SIPA1L2: variants seen among roughly 807,000 people sequenced by gnomAD.
SIPA1L2 encodes the protein signal-induced proliferation-associated 1-like protein 2.
In SIPA1L2, 56 loss-of-function variants were observed where a neutral mutation model predicts 163.9. That is an observed-to-expected ratio of 0.34 (90% CI 0.28 to 0.43). The LOEUF (loss-of-function observed/expected upper bound fraction) is 0.43. Among genes scored for constraint, SIPA1L2 ranks in the 20% least tolerant of loss-of-function variants. SIPA1L2 has a pLI of 1.00. For missense variants in SIPA1L2, 1,974 were observed against 2,193.5 expected, an observed-to-expected ratio of 0.90 and a Z score of 2.00; for synonymous variants, 877 against 865.7, an observed-to-expected ratio of 1.01 and a Z score of -0.23.
At chr1:232,437,696 CT>C (rs1474305297) in intron 15 of SIPA1L2, among the ~76,000 whole-genome samples, 1 of 152,134 alleles carries the variant, frequency 6.6e-6, no homozygotes, top group Admixed American at 6.5e-5. Context: ...ATGCTACCCC[CT>C]AACCACGTGA....
intron 1 of SIPA1L2, among the ~76,000 whole-genome samples, chr1:232,583,724 G>A (rs553277307): frequency 1.3e-5 from 2 of 152,250 alleles, no homozygotes; most frequent in East Asian, 3.9e-4. Flanking sequence ...ATAAACTAAG[G>A]AAGTCTAAAT....
At chr1:232,613,766 T>C (rs1200648962) in intron 1 of SIPA1L2, among the ~76,000 whole-genome samples, 1 of 152,196 alleles carries the variant, frequency 6.6e-6, no homozygotes, top group East Asian at 1.9e-4. Context: ...TTCATCTCAA[T>C]TTAGGGAGCA....
chr1:232,470,633 T>C (rs1463896279), intron 8 of SIPA1L2, among the ~76,000 whole-genome samples: 2 of 152,200 alleles, frequency 1.3e-5, no homozygotes, highest in Non-Finnish European at 2.9e-5. Flanking sequence ...GGAACTCCAA[T>C]AGGTGTTTTA....
intron 1 of SIPA1L2, among the ~76,000 whole-genome samples, chr1:232,575,311 T>C (rs892599314): frequency 6.6e-6 from 1 of 152,172 alleles, no homozygotes; most frequent in African/African-American, 2.4e-5. Context: ...TTTACAAGTG[T>C]TAACCCAGCA....
chr1:232,526,156 T>C (rs1667696619), intron 2 of SIPA1L2, among the ~76,000 whole-genome samples: 1 of 152,192 alleles, frequency 6.6e-6, no homozygotes, highest in African/African-American at 2.4e-5. Context: ...CTAGTCCCTG[T>C]AGTGCCAATA....
chr1:232,616,482 T>C (rs1270486515), intron 1 of SIPA1L2, among the ~76,000 whole-genome samples: 1 of 152,214 alleles, frequency 6.6e-6, no homozygotes, highest in Non-Finnish European at 1.5e-5. Flanking sequence ...GATGCACACC[T>C]GGGTGCCCCT....
In SIPA1L2 at chr1:232,445,542, G is replaced by T. The variant is rs1221223039; in HGVS notation, c.3340C>A (p.Pro1114Thr). ...PRSTSFDRKL[P>T]DGTRSSPSNQ... ...AACCAGCATTACCTCGTGCCATCGG[G>T]CAGCTTCCGGTCGAAGGAGGTGCTT... Residue 1114 changes from proline to threonine, a missense_variant, in exon 11 of 23, where the codon CCC becomes ACC. Around this residue, in one of 3 missense-constraint regions of SIPA1L2, gnomAD observed 1,079 missense variants for 1,150.7 expected, o/e 0.94. Transcript: ENST00000674635. 1.9e-6 allele frequency: 3 copies of T among 1,613,714 alleles called. No homozygotes were observed. The African/African-American group carries it at 4.0e-5, about 22-fold the overall frequency.
At position 232,493,623 on chromosome 1, in the gene SIPA1L2, A is replaced by T. The variant is rs1666039357; in HGVS notation, c.1521T>A (p.Gly507=). ...QNYFGIDENL[G]PVAVSIRREK... ...CTCTCCGGATGCTGACTGCTACTGG[A>T]CCAAGGTTTTCATCTATTCCAAAGT... Residue 507 remains glycine, a synonymous_variant, in exon 4 of 23, where the codon GGT becomes GGA. Coordinates refer to ENST00000674635, the MANE Select transcript of SIPA1L2 (RefSeq NM_020808.5). 1.9e-6 allele frequency: 3 copies of T among 1,614,000 alleles called. No homozygotes were observed.
intron 3 of SIPA1L2, among the ~76,000 whole-genome samples, chr1:232,511,714 A>C (rs983769117): frequency 6.6e-6 from 1 of 151,938 alleles, no homozygotes; most frequent in African/African-American, 2.4e-5. Context: ...AAAATTACAC[A>C]AATATTCTCA....
intron 6 of SIPA1L2, among the ~76,000 whole-genome samples, 166 bp from the exon 7 acceptor site, chr1:232,479,896 A>G (rs1405072752): frequency 6.6e-6 from 1 of 151,514 alleles, no homozygotes; most frequent in Non-Finnish European, 1.5e-5. Context: ...TGTTTCTACC[A>G]CTCCCGCTCC....
At chr1:232,606,460 G>A (rs1288517364) in intron 1 of SIPA1L2, among the ~76,000 whole-genome samples, 2 of 151,916 alleles carry the variant, frequency 1.3e-5, no homozygotes, top group Admixed American at 6.6e-5. Flanking sequence ...GAGCTTTAAC[G>A]GTATTTTTAA....
At chr1:232,506,807 A>G (rs1398550241) in intron 3 of SIPA1L2, among the ~76,000 whole-genome samples, 1 of 152,214 alleles carries the variant, frequency 6.6e-6, no homozygotes. Context: ...TATTTATAGG[A>G]ACTACTTACA....
At chr1:232,405,461 A>G (rs1660581303) in intron 19 of SIPA1L2, among the ~76,000 whole-genome samples, 1 of 152,208 alleles carries the variant, frequency 6.6e-6, no homozygotes, top group African/African-American at 2.4e-5. Context: ...AAGATCAACA[A>G]CATAGTTGGG....
intron 10 of SIPA1L2, 83 bp from the exon 11 acceptor site, chr1:232,445,869 C>CGAG (rs1321097064): frequency 6.7e-7 from 1 of 1,499,732 alleles, no homozygotes; most frequent in East Asian, 2.3e-5. Context: ...GGCCCCTCAA[C>CGAG]ACACATCACA....
chr1:232,625,297 C>T (rs146445050), intron 1 of SIPA1L2, among the ~76,000 whole-genome samples: 5 of 152,174 alleles, frequency 3.3e-5, no homozygotes, highest in African/African-American at 4.8e-5. Flanking sequence ...ATTTCATCAC[C>T]GGCTTAAGTA....
At chr1:232,572,757 ATATATATATATATATATATATATTTATT>A (rs1241308103) in intron 2 of SIPA1L2, among the ~76,000 whole-genome samples, 1 of 117,748 alleles carries the variant, frequency 8.5e-6, no homozygotes, top group East Asian at 2.2e-4. Flanking sequence ...ATATATATAT[ATATATATATATATATATATATATTTATT>A]TATTTATTTT....
At chr1:232,441,910 G>T in intron 12 of SIPA1L2, 42 bp from the exon 13 acceptor site, 1 of 1,542,278 alleles carries the variant, frequency 6.5e-7, no homozygotes, top group Non-Finnish European at 8.9e-7. Flanking sequence ...TCTCAACCGT[G>T]CCACCTGCCA....
At chr1:232,597,041 TG>T (rs35099981) in intron 1 of SIPA1L2, among the ~76,000 whole-genome samples, 3,919 of 152,308 alleles carry the variant, frequency 0.026, 163 homozygotes, top group African/African-American at 0.088. Flanking sequence ...AATGATTATG[TG>T]GGCCTCTACT....
intron 6 of SIPA1L2, among the ~76,000 whole-genome samples, chr1:232,481,331 TGATGAGAAG>T (rs1236791138): frequency 6.6e-6 from 1 of 152,094 alleles, no homozygotes; most frequent in Non-Finnish European, 1.5e-5. Flanking sequence ...AAAGGCTGGA[TGATGAGAAG>T]GCCTGGTATG....
Sources: gnomAD v4.1 joint callset for allele counts (sites outside exome capture counted in the v4.1 genomes callset) on GRCh38, gnomAD v4.1.1 for gene constraint, gnomAD v4.1.1 regional missense constraint, MANE v1.5 for transcripts, NCBI Gene and HGNC (gene_info 2026-07-23, HGNC 2026-07-21) for gene names.